PHACTR3: variants seen among roughly 807,000 people sequenced by gnomAD.
The protein encoded by PHACTR3 is protein phosphatase 1, regulatory subunit 123.
PHACTR3 carries 16 observed loss-of-function variants against 66.8 expected under a neutral mutation model. The observed-to-expected ratio is 0.24, with a 90% confidence interval of 0.16 to 0.36. The LOEUF (loss-of-function observed/expected upper bound fraction) is 0.36, where lower values mean the gene tolerates loss of function less well. Among genes scored for constraint, PHACTR3 ranks in the 10% least tolerant of loss-of-function variants. The probability of loss-of-function intolerance (pLI) is 1.00; values close to 1 mark genes in which losing one functional copy is unlikely to be tolerated. For synonymous variants in PHACTR3, 323 were observed against 292.1 expected (o/e 1.11, Z -1.08); for missense variants, 647 against 719.9 (o/e 0.90, Z 1.16).
intron 3 of PHACTR3, among the ~76,000 whole-genome samples, chr20:59,750,515 A>C (rs1471470766): frequency 6.6e-6 from 1 of 151,998 alleles, no homozygotes; most frequent in Non-Finnish European, 1.5e-5. Flanking sequence ...GGTGGAAGGG[A>C]CCTTGAGATG....
intron 2 of PHACTR3, among the ~76,000 whole-genome samples, chr20:59,744,498 G>A (rs1464304674): frequency 3.3e-5 from 5 of 152,122 alleles, no homozygotes; most frequent in Non-Finnish European, 5.9e-5. Context: ...CTGTTGCCTC[G>A]GGGGGTCCCT....
At chr20:59,757,015 GA>G (rs1355955200) in intron 4 of PHACTR3, among the ~76,000 whole-genome samples, 2 of 152,156 alleles carry the variant, frequency 1.3e-5, no homozygotes, top group African/African-American at 2.4e-5. Context: ...AAATTGATAA[GA>G]AAAAAACCCC....
intron 1 of PHACTR3, among the ~76,000 whole-genome samples, chr20:59,742,429 G>T (rs375891752): frequency 3.3e-5 from 5 of 151,994 alleles, no homozygotes; most frequent in African/African-American, 1.2e-4. Context: ...ACAAGGAAGG[G>T]GTCCAGGAGC....
intron 1 of PHACTR3, among the ~76,000 whole-genome samples, chr20:59,728,101 G>A (rs73915091): frequency 0.088 from 13,330 of 152,182 alleles, 1,199 homozygotes; most frequent in African/African-American, 0.22. Context: ...CATGATATTG[G>A]CATCTGCCAC....
chr20:59,677,429 T>C (rs1216806763), intron 1 of PHACTR3, among the ~76,000 whole-genome samples: 1 of 152,170 alleles, frequency 6.6e-6, no homozygotes, highest in East Asian at 1.9e-4. Flanking sequence ...CTTTTGGTTC[T>C]GAAAAATGGT....
chr20:59,748,722 A>G (rs959634196), intron 3 of PHACTR3, among the ~76,000 whole-genome samples: 3 of 152,112 alleles, frequency 2.0e-5, no homozygotes, highest in Admixed American at 1.3e-4. Context: ...CTGGAGCTGG[A>G]CCAAGCTCTG....
At position 59,816,465 on chromosome 20, in the gene PHACTR3, G is replaced by A. The variant is rs141058345; in HGVS notation, c.1328+10271G>A. 2.9e-3 allele frequency among the ~76,000 whole-genome samples: 449 copies of A among 152,310 alleles called. 2 individuals are homozygous for A. The highest frequency in any genetic ancestry group is 0.01 in the African/African-American group (426 of 41,558). On this transcript the variant is annotated intron_variant, in intron 8 of 12. Coordinates refer to ENST00000371015, the MANE Select transcript of PHACTR3 (RefSeq NM_080672.5). Reference sequence around the variant, plus strand: ...CCTCCACTTTGCATGTGAGGAAATGGAGGCTCAGAATTGTTAGTAGCCAGT... The same window carrying A: ...CCTCCACTTTGCATGTGAGGAAATGAAGGCTCAGAATTGTTAGTAGCCAGT...
intron 3 of PHACTR3, among the ~76,000 whole-genome samples, chr20:59,749,427 A>G (rs937311612): frequency 6.6e-6 from 1 of 152,162 alleles, no homozygotes. Flanking sequence ...TCCACTCTGA[A>G]TTTTTGCAAG....
At chr20:59,686,719 G>GTGATGATGA (rs2036886380) in intron 1 of PHACTR3, among the ~76,000 whole-genome samples, 2 of 136,756 alleles carry the variant, frequency 1.5e-5, no homozygotes, top group Admixed American at 7.2e-5. Flanking sequence ...GGTGATGGTG[G>GTGATGATGA]TGGTTATGAT....
chr20:59,663,320 G>A (rs540215272), intron 1 of PHACTR3, among the ~76,000 whole-genome samples: 10 of 152,152 alleles, frequency 6.6e-5, no homozygotes, highest in Non-Finnish European at 1.3e-4. Context: ...AGAGGGAGGC[G>A]GATTTGCTAA....
chr20:59,809,204 CAGGTGAGGCCGGCCCG>C (rs2041661453), intron 8 of PHACTR3, among the ~76,000 whole-genome samples: 1 of 152,092 alleles, frequency 6.6e-6, no homozygotes, highest in African/African-American at 2.4e-5. Flanking sequence ...TGAACGTAAG[CAGGTGAGGCCGGCCCG>C]GGGTGGGGCT....
At chr20:59,750,014 T>C (rs924463917) in intron 3 of PHACTR3, among the ~76,000 whole-genome samples, 6 of 152,118 alleles carry the variant, frequency 3.9e-5, no homozygotes, top group African/African-American at 1.2e-4. Flanking sequence ...CACTCCTAAA[T>C]TGATGCCATG....
intron 1 of PHACTR3, among the ~76,000 whole-genome samples, chr20:59,614,605 A>C (rs1193036508): frequency 6.6e-6 from 1 of 152,182 alleles, no homozygotes; most frequent in African/African-American, 2.4e-5. Flanking sequence ...ACGACCTAAG[A>C]AGTGTGTTTA....
chr20:59,781,374 G>A (rs1175970517), intron 7 of PHACTR3, among the ~76,000 whole-genome samples: 1 of 152,238 alleles, frequency 6.6e-6, no homozygotes, highest in Non-Finnish European at 1.5e-5. Flanking sequence ...ACCAGGTTGG[G>A]TAACCCACGG....
Position 59,781,284 on chromosome 20 carries a change from C to T in PHACTR3, c.1174+6794C>T, listed in dbSNP as rs975317043. Among the ~76,000 whole-genome samples, 7 of 152,168 alleles carry T rather than the reference C, an allele frequency of 4.6e-5. No individual in the cohort carries two copies. In the East Asian group the frequency reaches 9.6e-4, roughly 21 times the overall value. On this transcript the variant is annotated intron_variant, in intron 7 of 12. Transcript: ENST00000371015. ...GGGTCTATGTGCCAGGACAGGCTGG[C>T]GGGGACCTTTGGGTTGGTCAGGAGA...
intron 2 of PHACTR3, among the ~76,000 whole-genome samples, chr20:59,746,701 T>TC (rs1305547142): frequency 1.1e-4 from 17 of 152,184 alleles, no homozygotes. Flanking sequence ...CTCTGTCTGT[T>TC]CCCCGGCAGC....
intron 8 of PHACTR3, among the ~76,000 whole-genome samples, chr20:59,823,413 A>C (rs1174285576): frequency 1.3e-5 from 2 of 152,196 alleles, no homozygotes; most frequent in African/African-American, 4.8e-5. Context: ...ACCTGTCCTC[A>C]GTGCTCAGCC....
chr20:59,612,524 A>C (rs940220592), intron 1 of PHACTR3, among the ~76,000 whole-genome samples: 1 of 152,080 alleles, frequency 6.6e-6, no homozygotes, highest in Non-Finnish European at 1.5e-5. Context: ...GGCTGGGACT[A>C]CAGGTGCGCG....
chr20:59,769,893 C>T (rs1025102962), intron 5 of PHACTR3, among the ~76,000 whole-genome samples: 5 of 152,248 alleles, frequency 3.3e-5, no homozygotes, highest in Non-Finnish European at 7.3e-5. Context: ...TGAGGCAAAA[C>T]TGTGCTACTT....
Sources: gnomAD v4.1 joint callset for allele counts (sites outside exome capture counted in the v4.1 genomes callset) on GRCh38, gnomAD v4.1.1 for gene constraint, MANE v1.5 for transcripts, NCBI Gene and HGNC (gene_info 2026-07-23, HGNC 2026-07-21) for gene names.